The following TENM4 variants were observed in gnomAD, a reference collection of about 807,000 sequenced individuals.
The protein encoded by TENM4 is teneurin-4.
TENM4 carries 82 observed loss-of-function variants against 243.3 expected under a neutral mutation model. That is an observed-to-expected ratio of 0.34 (90% CI 0.28 to 0.40). The LOEUF (loss-of-function observed/expected upper bound fraction) is 0.40, where lower values mean the gene tolerates loss of function less well. TENM4 is among the 10% of genes least tolerant of loss of function. The pLI is 1.00. For missense variants in TENM4, 3,138 were observed against 3,673.3 expected, an observed-to-expected ratio of 0.85 and a Z score of 3.77; for synonymous variants, 1,412 against 1,456.3, an observed-to-expected ratio of 0.97 and a Z score of 0.69.
chr11:79,432,954 T>C (rs1433712335), intron 1 of TENM4, among the ~76,000 whole-genome samples: 1 of 152,126 alleles, frequency 6.6e-6, no homozygotes, highest in African/African-American at 2.4e-5. Flanking sequence ...TGAGTATGTG[T>C]TCGTTTTGTT....
chr11:79,139,700 A>ATTTTATATAAGTATATAAAATATATATT (rs1565220645), intron 4 of TENM4, among the ~76,000 whole-genome samples: 1,253 of 68,036 alleles, frequency 0.018, 412 homozygotes, highest in African/African-American at 0.11. Flanking sequence ...AAATATATAT[A>ATTTTATATAAGTATATAAAATATATATT]ATATTTATAT....
chr11:78,742,160 C>T (rs747809181), intron 19 of TENM4, among the ~76,000 whole-genome samples: 6 of 152,108 alleles, frequency 3.9e-5, no homozygotes, highest in East Asian at 1.9e-4. Context: ...CACATGTTTA[C>T]GTGTGAGCCA....
intron 9 of TENM4, 23 bp downstream of exon 9, chr11:78,889,762 A>C: frequency 6.5e-7 from 1 of 1,549,504 alleles, no homozygotes; most frequent in Non-Finnish European, 8.7e-7. Flanking sequence ...GAGCAAGGGG[A>C]GCTGGGGTGA....
chr11:79,276,021 A>G (rs988990116), intron 2 of TENM4, among the ~76,000 whole-genome samples: 6 of 152,232 alleles, frequency 3.9e-5, no homozygotes, highest in Admixed American at 3.9e-4. Flanking sequence ...GCCGCCTAAA[A>G]ACGAGCAGAT....
rs747537720 is a variant in TENM4, at chr11:78,708,334, G to A, written c.4209+27C>T. 3 of 1,613,060 alleles carry A rather than the reference G, an allele frequency of 1.9e-6. No individual in the cohort carries two copies. In the South Asian group the frequency reaches 3.3e-5, roughly 18 times the overall value. On this transcript the variant is annotated intron_variant, in intron 27 of 33. Transcript: ENST00000278550. ...ATGAGAGGATGAGTGGGCAGTCCCA[G>A]GGCTTTGGTAGATGAAGCCATCTTA...
chr11:78,840,466 T>C (rs1351289960), intron 12 of TENM4, among the ~76,000 whole-genome samples: 1 of 152,216 alleles, frequency 6.6e-6, no homozygotes, highest in Non-Finnish European at 1.5e-5. Flanking sequence ...AACCAGATGC[T>C]CAGAGGTTTC....
chr11:78,924,001 C>G (rs1301921383), intron 6 of TENM4, among the ~76,000 whole-genome samples: 1 of 151,688 alleles, frequency 6.6e-6, no homozygotes, highest in Non-Finnish European at 1.5e-5. Context: ...ATTACAGGTG[C>G]CTGCCACCAC....
intron 9 of TENM4, among the ~76,000 whole-genome samples, chr11:78,865,946 CAT>C (rs548243509): frequency 5.9e-5 from 9 of 152,240 alleles, no homozygotes; most frequent in South Asian, 2.1e-4. Context: ...AAACTGTACA[CAT>C]GTGTGATAAC....
intron 31 of TENM4, 117 bp from the exon 32 acceptor site, chr11:78,670,668 T>C (rs947767340): frequency 4.7e-6 from 5 of 1,060,788 alleles, no homozygotes; most frequent in Non-Finnish European, 6.8e-6. Flanking sequence ...TGAGTTTCCA[T>C]GGTTCTCTTG....
intron 28 of TENM4, among the ~76,000 whole-genome samples, chr11:78,699,603 G>A (rs1192869900): frequency 3.9e-5 from 6 of 152,170 alleles, no homozygotes; most frequent in Non-Finnish European, 1.5e-5. Context: ...CTTGGGTACC[G>A]CTATGAAGTG....
At chr11:79,346,413 C>T (rs1857327443) in intron 1 of TENM4, among the ~76,000 whole-genome samples, 1 of 152,142 alleles carries the variant, frequency 6.6e-6, no homozygotes, top group Non-Finnish European at 1.5e-5. Flanking sequence ...CTGTCTGGCA[C>T]ACCGTAGGCA....
chr11:79,250,771 T>G (rs1246011649), intron 2 of TENM4, among the ~76,000 whole-genome samples: 1 of 152,216 alleles, frequency 6.6e-6, no homozygotes, highest in African/African-American at 2.4e-5. Context: ...GGAAGGCAAA[T>G]TTAGACAACA....
At chr11:78,786,827 C>A in intron 16 of TENM4, 71 bp downstream of exon 16, 1 of 1,546,928 alleles carries the variant, frequency 6.5e-7, no homozygotes. Flanking sequence ...CAGGCTGGCC[C>A]TGAAATGCCC....
intron 6 of TENM4, among the ~76,000 whole-genome samples, chr11:78,918,029 G>A (rs544029500): frequency 6.6e-6 from 1 of 152,232 alleles, no homozygotes; most frequent in African/African-American, 2.4e-5. Context: ...ACTGAGGCTC[G>A]GGGAGAGAAT....
chr11:79,315,258 C>A (rs756590196), intron 1 of TENM4, among the ~76,000 whole-genome samples: 4 of 152,182 alleles, frequency 2.6e-5, no homozygotes, highest in African/African-American at 7.2e-5. Context: ...ATGATTCTCA[C>A]GAGCAGAGCT....
At chr11:79,300,299 C>A (rs1350594711) in intron 1 of TENM4, among the ~76,000 whole-genome samples, 1 of 152,164 alleles carries the variant, frequency 6.6e-6, no homozygotes, top group Non-Finnish European at 1.5e-5. Context: ...AGATGCTTTA[C>A]AAGGTGGGAT....
chr11:79,112,243 C>T (rs1483466196), intron 4 of TENM4, among the ~76,000 whole-genome samples: 2 of 152,194 alleles, frequency 1.3e-5, no homozygotes, highest in East Asian at 1.9e-4. Flanking sequence ...ATATGCACAA[C>T]CAAATTCTAG....
At chr11:78,753,022 C>T (rs1041974116) in intron 19 of TENM4, among the ~76,000 whole-genome samples, 6 of 152,132 alleles carry the variant, frequency 3.9e-5, no homozygotes, top group South Asian at 2.1e-4. Flanking sequence ...GACACATAGA[C>T]GTTAACACCC....
chr11:79,412,751 TATC>T (rs1182541991), intron 1 of TENM4, among the ~76,000 whole-genome samples: 3 of 152,218 alleles, frequency 2.0e-5, no homozygotes, highest in African/African-American at 7.2e-5. Flanking sequence ...CACTCCTGAT[TATC>T]ATGTTTTCGT....
Sources: gnomAD v4.1 joint callset for allele counts (sites outside exome capture counted in the v4.1 genomes callset) on GRCh38, gnomAD v4.1.1 for gene constraint, MANE v1.5 for transcripts, NCBI Gene and HGNC (gene_info 2026-07-23, HGNC 2026-07-21) for gene names.